Variants in MAPK8 observed in about 807,000 individuals in gnomAD.
MAPK8 encodes the protein mitogen-activated protein kinase 8.
In MAPK8, 13 loss-of-function variants were observed where a neutral mutation model predicts 52.9. That is an observed-to-expected ratio of 0.25 (90% confidence interval 0.16 to 0.39). The LOEUF is 0.39. Ranked by LOEUF, MAPK8 falls within the 10% of genes least tolerant of loss-of-function variation. The pLI, the probability that MAPK8 is intolerant of heterozygous loss-of-function variation, is 1.00. For missense variants in MAPK8, 300 were observed against 519.2 expected (o/e 0.58, Z 4.10); for synonymous variants, 191 against 169.8 (o/e 1.12, Z -0.97).
At chr10:48,426,759 G>C in intron 9 of MAPK8, 1 of 497,146 alleles carries the variant, frequency 2.0e-6, no homozygotes, top group Middle Eastern at 5.4e-4. Context: ...GATGTTGAAT[G>C]CTCTGGGGGA....
In MAPK8 at chr10:48,424,140, C is replaced by A; in HGVS notation, c.669C>A (p.Ile223=). 6.2e-7 allele frequency: 1 copy of A among 1,612,956 alleles called. No individual in the cohort carries two copies. Among genetic ancestry groups the A allele is most frequent in the Non-Finnish European group, 8.5e-7 (1 of 1,179,298 alleles). The change falls in exon 7 of 12, where the codon ATC becomes ATA. Residue 223 remains isoleucine (I), a synonymous_variant. Coordinates refer to ENST00000374189, the MANE Select transcript of MAPK8 (RefSeq NM_001323329.2). ...CIMGEMVCHK[I]LFPGRDYIDQ... ...TGGGAGAAATGGTTTGCCACAAAAT[C>A]CTCTTTCCAGGAAGGGACTGTATCC...
intron 1 of MAPK8, among the ~76,000 whole-genome samples, chr10:48,399,638 A>C (rs1192129392): frequency 6.6e-6 from 1 of 152,102 alleles, no homozygotes; most frequent in African/African-American, 2.4e-5. Flanking sequence ...TCCTGGATCT[A>C]CTCAAGCTTT....
intron 5 of MAPK8, among the ~76,000 whole-genome samples, chr10:48,417,752 A>T (rs1231450646): frequency 2.0e-5 from 3 of 152,222 alleles, no homozygotes; most frequent in Non-Finnish European, 2.9e-5. Context: ...GAATATTTGC[A>T]GAACAATCTA....
chr10:48,326,707 T>C (rs1843557643), intron 1 of MAPK8, among the ~76,000 whole-genome samples: 1 of 152,204 alleles, frequency 6.6e-6, no homozygotes, highest in African/African-American at 2.4e-5. Context: ...ACCATCTGTA[T>C]CTATATAAGC....
intron 1 of MAPK8, among the ~76,000 whole-genome samples, chr10:48,368,573 G>A (rs889774725): frequency 3.9e-5 from 6 of 152,220 alleles, no homozygotes; most frequent in Non-Finnish European, 2.9e-5. Flanking sequence ...GAATCCCCTA[G>A]TTCTTGGTCC....
intron 5 of MAPK8, among the ~76,000 whole-genome samples, chr10:48,419,293 A>G (rs2133177425): frequency 6.6e-6 from 1 of 152,334 alleles, no homozygotes; most frequent in Non-Finnish European, 1.5e-5. Flanking sequence ...TGTATACTGC[A>G]TGTCAGTACA....
rs554141344 is a variant in MAPK8, at chr10:48,384,201, G to A, written c.-49-17411G>A. 5.3e-5 allele frequency among the ~76,000 whole-genome samples: 8 copies of A among 152,230 alleles called. No individual in the cohort carries two copies. In the South Asian group the frequency reaches 6.2e-4, roughly 12 times the overall value. ...GGAGAGTCAGAGGTTGCAGTGAGCC[G>A]AGATCACGCTAGTGCACTCCAGCCT... On this transcript the variant is annotated intron_variant, in intron 1 of 11. Transcript: ENST00000374189.
At chr10:48,395,843 TG>T (rs776841871) in intron 1 of MAPK8, among the ~76,000 whole-genome samples, 16 of 152,070 alleles carry the variant, frequency 1.1e-4, no homozygotes, top group Middle Eastern at 3.2e-3. Flanking sequence ...TAGAGCCAAC[TG>T]AAGTTTGACA....
chr10:48,403,938 T>TGTGTGA (rs2042307235), intron 2 of MAPK8, among the ~76,000 whole-genome samples: 1 of 150,548 alleles, frequency 6.6e-6, no homozygotes, highest in South Asian at 2.1e-4. Context: ...TGTGTGTGTG[T>TGTGTGA]GTGTGTGTGT....
At chr10:48,432,363 G>A (rs963891440) in intron 11 of MAPK8, among the ~76,000 whole-genome samples, 7 of 152,004 alleles carry the variant, frequency 4.6e-5, no homozygotes, top group African/African-American at 1.7e-4. Context: ...GACATTTTTG[G>A]TTATATATTT....
chr10:48,430,926 T>G, intron 10 of MAPK8: 1 of 457,244 alleles, frequency 2.2e-6, no homozygotes, highest in East Asian at 4.5e-5. Context: ...AAAGAAAGCT[T>G]CTACCCCAGC....
intron 1 of MAPK8, among the ~76,000 whole-genome samples, chr10:48,347,565 A>G (rs947130110): frequency 6.6e-6 from 1 of 152,126 alleles, no homozygotes; most frequent in African/African-American, 2.4e-5. Context: ...ACCCCGCAAC[A>G]GGCCCCGGTG....
chr10:48,334,985 C>A (rs1250622429), intron 1 of MAPK8, among the ~76,000 whole-genome samples: 2 of 152,154 alleles, frequency 1.3e-5, no homozygotes, highest in African/African-American at 2.4e-5. Context: ...ACCCCAGTCC[C>A]CTTCCTCACT....
intron 1 of MAPK8, among the ~76,000 whole-genome samples, chr10:48,341,394 A>G (rs1845243396): frequency 6.6e-6 from 1 of 152,172 alleles, no homozygotes; most frequent in East Asian, 1.9e-4. Flanking sequence ...AAAATATGAA[A>G]CTTTTTGAAT....
rs967806783 is a variant in MAPK8 at position 48,374,955 on chromosome 10, A to G, written c.-49-26657A>G. Among the ~76,000 whole-genome samples, 7 of 152,326 alleles carry G rather than the reference A, an allele frequency of 4.6e-5. No homozygotes were observed. In the South Asian group the frequency reaches 6.2e-4, roughly 14 times the overall value. On this transcript the variant is annotated intron_variant, in intron 1 of 11. Transcript: ENST00000374189. ...AATAAAAAAACAAAATTTCAGGCCA[A>G]TATCCCTGATGAACATTGATGTGAA...
intron 2 of MAPK8, among the ~76,000 whole-genome samples, chr10:48,402,921 G>T (rs2042234188): frequency 6.6e-6 from 1 of 152,144 alleles, no homozygotes; most frequent in Admixed American, 6.5e-5. Flanking sequence ...AGCCATATGT[G>T]TCAACAAGGA....
At chr10:48,362,693 G>C (rs1847645882) in intron 1 of MAPK8, among the ~76,000 whole-genome samples, 1 of 150,016 alleles carries the variant, frequency 6.7e-6, no homozygotes, top group African/African-American at 2.5e-5. Context: ...GGATTCCACT[G>C]TATCACACTG....
intron 1 of MAPK8, among the ~76,000 whole-genome samples, chr10:48,343,530 G>T (rs1454303408): frequency 6.6e-6 from 1 of 152,150 alleles, no homozygotes; most frequent in Admixed American, 6.5e-5. Flanking sequence ...TAGCATTTTT[G>T]AACCTGCCAC....
intron 1 of MAPK8, among the ~76,000 whole-genome samples, chr10:48,351,677 C>T (rs527238962): frequency 3.3e-5 from 5 of 152,072 alleles, no homozygotes; most frequent in African/African-American, 9.6e-5. Flanking sequence ...AAAATAAAAT[C>T]TTAATGGGTA....
Sources: gnomAD v4.1 joint callset for allele counts (sites outside exome capture counted in the v4.1 genomes callset) on GRCh38, gnomAD v4.1.1 for gene constraint, MANE v1.5 for transcripts, NCBI Gene and HGNC (gene_info 2026-07-23, HGNC 2026-07-21) for gene names.